Variants in CFAP54 observed in about 807,000 individuals in gnomAD.
CFAP54 encodes cilia and flagella associated protein 54.
CFAP54 carries 290 observed loss-of-function variants against 370.4 expected under a neutral mutation model. The observed-to-expected ratio is 0.78, with a 90% confidence interval of 0.71 to 0.86. The LOEUF (loss-of-function observed/expected upper bound fraction) is 0.86, where lower values mean the gene tolerates loss of function less well. CFAP54 is among the 40% of genes least tolerant of loss of function. The probability of loss-of-function intolerance (pLI) is 0.00; values close to 1 mark genes in which losing one functional copy is unlikely to be tolerated. For synonymous variants in CFAP54, 1,206 were observed against 1,236.5 expected (o/e 0.98, Z 0.52); for missense variants, 3,399 against 3,528.7 (o/e 0.96, Z 0.93).
chr12:96,768,045 G>A (rs1334130212), intron 60 of CFAP54, among the ~76,000 whole-genome samples: 1 of 152,072 alleles, frequency 6.6e-6, no homozygotes, highest in Non-Finnish European at 1.5e-5. Flanking sequence ...TTTTGGCCAG[G>A]TGCAGTGGCT....
chr12:96,709,271 G>A (rs111828560), intron 48 of CFAP54, among the ~76,000 whole-genome samples: 185 of 152,310 alleles, frequency 1.2e-3, no homozygotes, highest in African/African-American at 4.3e-3. Flanking sequence ...GAAGAAATGT[G>A]TACCTCCACT....
At chr12:96,629,079 G>C (rs1320693095) in intron 30 of CFAP54, among the ~76,000 whole-genome samples, 1 of 152,172 alleles carries the variant, frequency 6.6e-6, no homozygotes, top group Non-Finnish European at 1.5e-5. Flanking sequence ...GAACCAAAGA[G>C]ATTGAAATCT....
rs548326788 is a variant in CFAP54, at chr12:96,720,148, G to C, written c.6805-257G>C. Among the ~76,000 whole-genome samples, 37 of 152,336 alleles carry C rather than the reference G, an allele frequency of 2.4e-4. 1 individual carries two copies. The South Asian group carries it at 7.0e-3, about 29-fold the overall frequency. On this transcript the variant is annotated intron_variant, in intron 49 of 67. Transcript: ENST00000524981. ...GAACTTTATAGAACATAACTACTGT[G>C]AATAGTAAGCACCAGCTGTGCACAC...
chr12:96,623,311 T>C (rs1199099927), intron 27 of CFAP54, among the ~76,000 whole-genome samples: 1 of 152,024 alleles, frequency 6.6e-6, no homozygotes, highest in East Asian at 1.9e-4. Context: ...GCTGATCCCC[T>C]TAAGTTTCAA....
At chr12:96,807,434 C>T (rs1958893308) in intron 63 of CFAP54, among the ~76,000 whole-genome samples, 1 of 152,212 alleles carries the variant, frequency 6.6e-6, no homozygotes. Flanking sequence ...CCACCTAGTA[C>T]AAGAGAGCTC....
At chr12:96,874,632 A>ATT (rs1485590262) in intron 67 of CFAP54, among the ~76,000 whole-genome samples, 2 of 30,420 alleles carry the variant, frequency 6.6e-5, no homozygotes, top group Non-Finnish European at 1.3e-4. Context: ...TTTTTATTTT[A>ATT]TTTTTTTTTT....
At position 96,638,205 on chromosome 12, in the gene CFAP54, A is replaced by ATGTGTGTG. The variant is rs756775917; in HGVS notation, c.4317-5943_4317-5936dup. Reference sequence around the variant, plus strand: ...GCATCATATATATATATATATATGCATGTGTGTGTGTGTGTGTGTGTGTGT... The same window carrying ATGTGTGTG: ...GCATCATATATATATATATATATGCATGTGTGTGTGTGTGTGTGTGTGTGTGTGTGTGT... On this transcript the variant is annotated intron_variant, in intron 32 of 67. Coordinates refer to ENST00000524981, the MANE Select transcript of CFAP54 (RefSeq NM_001306084.2). 1.6e-3 allele frequency among the ~76,000 whole-genome samples: 202 copies of ATGTGTGTG among 122,646 alleles called. 3 individuals are homozygous for ATGTGTGTG. The highest frequency in any genetic ancestry group is 3.0e-3 in the South Asian group (11 of 3,662). 80.5% of individuals were successfully genotyped at this position (122,646 alleles called of 152,430 possible).
chr12:96,498,650 T>TCAAAA (rs1954986433), intron 1 of CFAP54, among the ~76,000 whole-genome samples: 1 of 152,138 alleles, frequency 6.6e-6, no homozygotes. Context: ...AGACTCCATC[T>TCAAAA]CAAAACAAAA....
At chr12:96,751,213 A>T (rs192479631) in intron 55 of CFAP54, among the ~76,000 whole-genome samples, 1 of 152,188 alleles carries the variant, frequency 6.6e-6, no homozygotes, top group Admixed American at 6.5e-5. Flanking sequence ...TCTTATGTTT[A>T]TTCAATCAGC....
intron 15 of CFAP54, among the ~76,000 whole-genome samples, chr12:96,552,316 C>T (rs528587580): frequency 4.0e-5 from 6 of 148,826 alleles, no homozygotes; most frequent in East Asian, 2.0e-4. Flanking sequence ...AAGTACAATA[C>T]ATTGCAGCAT....
rs77244923 is a variant in CFAP54, at chr12:96,875,178, A to G, written c.*75A>G. 69 of 152,338 alleles carry G rather than the reference A, an allele frequency of 4.5e-4. No homozygotes were observed. Among genetic ancestry groups the G allele is most frequent in the African/African-American group, 1.5e-3 (64 of 41,572 alleles). 9.4% of individuals were successfully genotyped at this position (152,338 alleles called of 1,614,324 possible). A position where few individuals can be genotyped will look rare whatever the true frequency, so the allele number is the denominator to read the frequency against. Reference sequence around the variant, plus strand: ...CAACAGACTGAGGAATTTTTCAGCAATATCTGTCAGCCTTTGGAAATTTGG... The same window carrying G: ...CAACAGACTGAGGAATTTTTCAGCAGTATCTGTCAGCCTTTGGAAATTTGG... On this transcript the variant is annotated 3_prime_UTR_variant, in exon 68 of 68. Coordinates refer to ENST00000524981, the MANE Select transcript of CFAP54 (RefSeq NM_001306084.2).
intron 17 of CFAP54, among the ~76,000 whole-genome samples, chr12:96,559,215 C>CA (rs1044629829): frequency 3.3e-5 from 5 of 150,522 alleles, no homozygotes; most frequent in African/African-American, 1.2e-4. Context: ...GGCTCCATCT[C>CA]AAAAAAAAAT....
chr12:96,523,708 GGCA>G (rs1955344996), intron 8 of CFAP54, among the ~76,000 whole-genome samples: 1 of 20,858 alleles, frequency 4.8e-5, no homozygotes, highest in Admixed American at 4.6e-4. Flanking sequence ...TTTTCTCCCC[GGCA>G]TTTTTTTTCT....
chr12:96,585,164 T>C (rs1956065780), intron 22 of CFAP54, among the ~76,000 whole-genome samples: 1 of 152,070 alleles, frequency 6.6e-6, no homozygotes, highest in African/African-American at 2.4e-5. Context: ...TTTTATTATT[T>C]ATTTATTTTT....
intron 66 of CFAP54, among the ~76,000 whole-genome samples, chr12:96,843,004 A>C (rs942131770): frequency 1.3e-5 from 2 of 152,218 alleles, no homozygotes; most frequent in Non-Finnish European, 2.9e-5. Context: ...GATGTGAATA[A>C]AGAAGTCAGC....
intron 63 of CFAP54, among the ~76,000 whole-genome samples, chr12:96,804,929 G>A (rs1479022357): frequency 6.6e-6 from 1 of 152,078 alleles, no homozygotes; most frequent in East Asian, 1.9e-4. Flanking sequence ...AGAGAGCCCA[G>A]AAGTAAAACC....
intron 45 of CFAP54, among the ~76,000 whole-genome samples, chr12:96,699,077 G>C (rs1398962725): frequency 6.6e-6 from 1 of 152,098 alleles, no homozygotes; most frequent in Non-Finnish European, 1.5e-5. Flanking sequence ...AGAGACTGAA[G>C]TAAGTTAAAA....
chr12:96,551,074 G>A (rs1050947802), intron 15 of CFAP54, among the ~76,000 whole-genome samples: 1 of 152,104 alleles, frequency 6.6e-6, no homozygotes, highest in Non-Finnish European at 1.5e-5. Context: ...ATTGAGACCA[G>A]CCTGGGCAAT....
chr12:96,531,308 G>A (rs1045948384), intron 9 of CFAP54, among the ~76,000 whole-genome samples: 2 of 151,984 alleles, frequency 1.3e-5, no homozygotes, highest in East Asian at 1.9e-4. Flanking sequence ...TGTAATGTCA[G>A]TTTAAATCTT....
Sources: allele counts gnomAD v4.1 joint callset (sites outside exome capture counted in the v4.1 genomes callset), GRCh38; gene constraint gnomAD v4.1.1; transcripts MANE v1.5; gene names NCBI Gene and HGNC (gene_info 2026-07-23, HGNC 2026-07-21).